The following RAPGEF6 variants were observed in gnomAD, a reference collection of about 807,000 sequenced individuals.
RAPGEF6 encodes Rap guanine nucleotide exchange factor 6.
Under a neutral mutation model 171.4 loss-of-function variants are expected in RAPGEF6, and 56 were observed. The ratio of observed to expected loss-of-function variants is 0.33; its 90% confidence interval spans 0.26 to 0.41. The LOEUF (loss-of-function observed/expected upper bound fraction) is 0.41. Among genes scored for constraint, RAPGEF6 ranks in the 10% least tolerant of loss-of-function variants. The probability of loss-of-function intolerance (pLI) is 1.00; values close to 1 mark genes in which losing one functional copy is unlikely to be tolerated. For missense variants in RAPGEF6, 1,674 were observed against 1,921.4 expected (o/e 0.87, Z 2.41); for synonymous variants, 692 against 650.1 (o/e 1.06, Z -0.98).
At chr5:131,554,150 G>A (rs537449124) in intron 5 of RAPGEF6, among the ~76,000 whole-genome samples, 1 of 152,174 alleles carries the variant, frequency 6.6e-6, no homozygotes, top group African/African-American at 2.4e-5. Flanking sequence ...AAAATAGAAT[G>A]TATTAATTGT....
chr5:131,505,089 C>CTTT (rs139194563), intron 10 of RAPGEF6, among the ~76,000 whole-genome samples: 1 of 143,670 alleles, frequency 7.0e-6, no homozygotes, highest in African/African-American at 2.5e-5. Flanking sequence ...TATTTCTTTC[C>CTTT]TTTTTTTTTT....
At chr5:131,589,405 A>G (rs1252438949) in intron 4 of RAPGEF6, among the ~76,000 whole-genome samples, 1 of 152,240 alleles carries the variant, frequency 6.6e-6, no homozygotes, top group Admixed American at 6.5e-5. Context: ...ACATACAAAT[A>G]TAGCTAGCAA....
chr5:131,588,351 C>T (rs967068813), intron 4 of RAPGEF6, among the ~76,000 whole-genome samples: 3 of 152,182 alleles, frequency 2.0e-5, no homozygotes, highest in African/African-American at 7.2e-5. Context: ...TGGGTTACTG[C>T]ACAAAATGTA....
rs576193430 is a variant in RAPGEF6, at chr5:131,613,361, G to A, written c.70-8668C>T. On this transcript the variant is annotated intron_variant, in intron 1 of 27. Transcript: ENST00000509018. ...GGAGGCAGGGCTTGCAGTGAGCTGA[G>A]ATTGCGCCACTGCACTCCAGCCTGG... 2.5e-4 allele frequency among the ~76,000 whole-genome samples: 38 copies of A among 152,260 alleles called. No individual in the cohort carries two copies. The East Asian group carries it at 6.2e-3, about 25-fold the overall frequency.
intron 7 of RAPGEF6, among the ~76,000 whole-genome samples, chr5:131,516,584 G>C (rs1036413970): frequency 6.6e-6 from 1 of 152,148 alleles, no homozygotes; most frequent in African/African-American, 2.4e-5. Context: ...TGTGTGTCTG[G>C]AGTTGTTTAA....
intron 24 of RAPGEF6, among the ~76,000 whole-genome samples, chr5:131,437,567 T>A (rs558780940): frequency 6.6e-6 from 1 of 152,196 alleles, no homozygotes. Flanking sequence ...AAGGGGCGCA[T>A]TGGATAGGAC....
chr5:131,472,324 G>A (rs1419373199), intron 17 of RAPGEF6: 8 of 436,820 alleles, frequency 1.8e-5, no homozygotes, highest in African/African-American at 4.0e-5. Context: ...GCCCGCCTCG[G>A]CCTCCCAAAG....
Position 131,446,488 on chromosome 5 carries a change from C to A in RAPGEF6, c.3416G>T (p.Gly1139Val). The change falls in exon 22 of 28, where the codon GGT becomes GTT. Residue 1139 changes from glycine to valine, a missense_variant. Physicochemically the swap from Gly to Val is moderately radical, Grantham distance 109 (BLOSUM62 -3). This residue lies in a region of RAPGEF6 where 552 missense variants were observed against 574.2 expected (regional missense o/e 0.96). Transcript: ENST00000509018. The stretch of plus-strand genomic sequence containing the variant: ...AAATGAAAACTTGTACTCACAGGTA[C>A]CATATGCAGGCTCCCACTGTAATGA... ...MMSLQWEPAY[G>V]TLTKNLSEKR... is the part of the protein sequence containing the mutation. 6.2e-7 allele frequency: 1 copy of A among 1,613,258 alleles called. No homozygotes were observed. Among genetic ancestry groups the A allele is most frequent in the Non-Finnish European group, 8.5e-7 (1 of 1,179,476 alleles).
chr5:131,512,905 G>A (rs1351661547), intron 7 of RAPGEF6, among the ~76,000 whole-genome samples: 2 of 152,098 alleles, frequency 1.3e-5, no homozygotes, highest in Non-Finnish European at 2.9e-5. Flanking sequence ...TCTGCTTGCT[G>A]GTGCCTTGAT....
chr5:131,464,859 T>A (rs1233701720), intron 17 of RAPGEF6, among the ~76,000 whole-genome samples: 1 of 152,208 alleles, frequency 6.6e-6, no homozygotes, highest in Admixed American at 6.5e-5. Context: ...CCAGAGACGT[T>A]ATAATATTTT....
At chr5:131,510,514 C>T (rs1757649789) in intron 7 of RAPGEF6, 23 bp from the exon 8 acceptor site, 4 of 1,597,316 alleles carry the variant, frequency 2.5e-6, no homozygotes, top group Non-Finnish European at 3.4e-6. Flanking sequence ...ATCTTGATCA[C>T]TTACCATTTC....
chr5:131,506,474 C>T (rs1370963099), intron 9 of RAPGEF6, among the ~76,000 whole-genome samples: 1 of 152,162 alleles, frequency 6.6e-6, no homozygotes, highest in Non-Finnish European at 1.5e-5. Context: ...CAGTGAAAGA[C>T]CACTTATTCT....
intron 11 of RAPGEF6, among the ~76,000 whole-genome samples, chr5:131,503,181 T>C (rs1757136267): frequency 6.6e-6 from 1 of 152,140 alleles, no homozygotes; most frequent in Non-Finnish European, 1.5e-5. Context: ...GTGTCCTTGT[T>C]TTTAGGAAAT....
intron 21 of RAPGEF6, among the ~76,000 whole-genome samples, chr5:131,450,643 C>A (rs1753005332): frequency 6.6e-6 from 1 of 152,020 alleles, no homozygotes; most frequent in Non-Finnish European, 1.5e-5. Flanking sequence ...ACTAAAGATT[C>A]TATTTTTTAA....
intron 22 of RAPGEF6, among the ~76,000 whole-genome samples, chr5:131,445,587 G>A (rs530900972): frequency 2.0e-5 from 3 of 151,878 alleles, no homozygotes; most frequent in South Asian, 2.1e-4. Flanking sequence ...GTGTGCGCGC[G>A]TATTTATTTT....
At chr5:131,547,346 A>G (rs753409469) in intron 6 of RAPGEF6, among the ~76,000 whole-genome samples, 6 of 152,158 alleles carry the variant, frequency 3.9e-5, no homozygotes, top group Non-Finnish European at 5.9e-5. Flanking sequence ...TAATTGTTTT[A>G]ATATTCTAGA....
chr5:131,495,422 T>C (rs1756576182), intron 13 of RAPGEF6, 131 bp downstream of exon 13: 1 of 594,218 alleles, frequency 1.7e-6, no homozygotes, highest in South Asian at 2.9e-5. Flanking sequence ...AAGTCTAGAA[T>C]ACAGATTCGG....
chr5:131,630,652 A>G (rs564052790), intron 1 of RAPGEF6, among the ~76,000 whole-genome samples: 2 of 152,334 alleles, frequency 1.3e-5, no homozygotes, highest in East Asian at 3.9e-4. Flanking sequence ...TGTTAGAAAG[A>G]TATCTAAATG....
At chr5:131,588,139 C>G (rs1763370115) in intron 4 of RAPGEF6, among the ~76,000 whole-genome samples, 1 of 152,036 alleles carries the variant, frequency 6.6e-6, no homozygotes, top group South Asian at 2.1e-4. Flanking sequence ...TAAACTCATT[C>G]ACACTATTTT....
Sources: gnomAD v4.1 joint callset for allele counts (sites outside exome capture counted in the v4.1 genomes callset) on GRCh38, gnomAD v4.1.1 for gene constraint, gnomAD v4.1.1 regional missense constraint, MANE v1.5 for transcripts, NCBI Gene and HGNC (gene_info 2026-07-23, HGNC 2026-07-21) for gene names.